The following CIT variants were observed in gnomAD, a reference collection of about 807,000 sequenced individuals.
The protein encoded by CIT is citron rho-interacting serine/threonine kinase, also known as citron Rho-interacting kinase.
Under a neutral mutation model 272.7 loss-of-function variants are expected in CIT, and 79 were observed. The observed-to-expected ratio is 0.29, with a 90% confidence interval of 0.24 to 0.35. CIT has a LOEUF of 0.35. Ranked by LOEUF, CIT falls within the 10% of genes least tolerant of loss-of-function variation. The probability of loss-of-function intolerance (pLI) is 1.00; values close to 1 mark genes in which losing one functional copy is unlikely to be tolerated. For synonymous variants in CIT, 948 were observed against 995.6 expected (o/e 0.95, Z 0.90); for missense variants, 1,909 against 2,618.3 (o/e 0.73, Z 5.91).
intron 5 of CIT, among the ~76,000 whole-genome samples, chr12:119,835,630 C>T (rs1968939805): frequency 6.6e-6 from 1 of 152,176 alleles, no homozygotes; most frequent in Non-Finnish European, 1.5e-5. Flanking sequence ...ATCTCACAAA[C>T]TACTGCATTC....
At chr12:119,859,276 G>C (rs538435096) in intron 3 of CIT, among the ~76,000 whole-genome samples, 5 of 152,300 alleles carry the variant, frequency 3.3e-5, no homozygotes, top group Admixed American at 6.5e-5. Context: ...AAGACCAAGA[G>C]ACTGTCTTAA....
At chr12:119,721,487 C>T (rs748877999) in intron 28 of CIT, 38 bp from the exon 29 acceptor site, 1 of 1,556,946 alleles carries the variant, frequency 6.4e-7, no homozygotes, top group Admixed American at 1.7e-5. Context: ...CTTGATACTG[C>T]ACACAATACA....
chr12:119,857,763 A>AT, intron 3 of CIT, 65 bp from the exon 4 acceptor site: 2 of 1,427,312 alleles, frequency 1.4e-6, no homozygotes, highest in African/African-American at 1.4e-5. Flanking sequence ...TCTTTATGAA[A>AT]GAAAAAAAAA....
In CIT at chr12:119,700,677, G is replaced by A. The variant is rs572280850; in HGVS notation, c.5623+68C>T. The A allele has an allele frequency of 2.1e-4, 274 of 1,325,318 alleles. 1 individual carries two copies. Among genetic ancestry groups the A allele is most frequent in the African/African-American group, 1.7e-3 (116 of 69,096 alleles). 82.1% of individuals were successfully genotyped at this position (1,325,318 alleles called of 1,614,324 possible). On this transcript the variant is annotated intron_variant, in intron 44 of 47. Coordinates refer to ENST00000392521, the MANE Select transcript of CIT (RefSeq NM_001206999.2). ...ATTACAGGCGTGAGCCACCGCACCC[G>A]GATGCAATTCTTTTCCAGGACACCA...
intron 2 of CIT, among the ~76,000 whole-genome samples, chr12:119,874,358 C>T (rs1225612641): frequency 1.3e-5 from 2 of 152,168 alleles, no homozygotes; most frequent in Non-Finnish European, 2.9e-5. Context: ...AGGCTACAAC[C>T]TATTTTAAAG....
At chr12:119,806,004 G>A (rs184397972) in intron 9 of CIT, among the ~76,000 whole-genome samples, 15 of 152,168 alleles carry the variant, frequency 9.9e-5, no homozygotes, top group Middle Eastern at 6.8e-3. Flanking sequence ...AGATGTGATG[G>A]TGCATGCCTG....
chr12:119,867,375 G>T (rs892023259), intron 3 of CIT, among the ~76,000 whole-genome samples: 8 of 152,020 alleles, frequency 5.3e-5, no homozygotes, highest in Non-Finnish European at 1.2e-4. Context: ...TTTTAGTAGA[G>T]ACAAGGTTTC....
chr12:119,777,662 T>TC (rs1555244129), intron 13 of CIT, among the ~76,000 whole-genome samples: 3 of 145,116 alleles, frequency 2.1e-5, no homozygotes, highest in Non-Finnish European at 4.5e-5. Context: ...AGAGCAAGAC[T>TC]CCGTCTCAAA....
intron 40 of CIT, among the ~76,000 whole-genome samples, chr12:119,706,089 CAAAAAAAAA>C (rs776220898): frequency 1.0e-5 from 1 of 98,632 alleles, no homozygotes; most frequent in East Asian, 3.4e-4. Flanking sequence ...GACTCTGTGT[CAAAAAAAAA>C]AAAAAAAAAT....
chr12:119,718,082 C>T lies in CIT; in HGVS notation c.4168+163G>A, dbSNP rs933704660. On this transcript the variant is annotated intron_variant, in intron 32 of 47. Coordinates refer to ENST00000392521, the MANE Select transcript of CIT (RefSeq NM_001206999.2). The surrounding 1 kb of genome is among the most constrained non-coding windows in gnomAD (Gnocchi z 4.8). ...CTTGAGCTCCCAACTTCAGGTGATCCGCCCACCTCGGCCTCCCAAAGTGCT... is the reference window on the plus strand; with the variant it reads ...CTTGAGCTCCCAACTTCAGGTGATCTGCCCACCTCGGCCTCCCAAAGTGCT... 5.3e-5 allele frequency among the ~76,000 whole-genome samples: 8 copies of T among 152,012 alleles called. No individual in the cohort carries two copies. Among genetic ancestry groups the T allele is most frequent in the Admixed American group, 2.6e-4 (4 of 15,258 alleles).
intron 29 of CIT, among the ~76,000 whole-genome samples, 174 bp from the exon 30 acceptor site, chr12:119,720,759 GAT>G (rs1957781521): frequency 6.6e-6 from 1 of 152,150 alleles, no homozygotes; most frequent in African/African-American, 2.4e-5. Context: ...AGAGAAAAAA[GAT>G]ATATTTATAG....
intron 4 of CIT, among the ~76,000 whole-genome samples, chr12:119,857,169 G>T (rs781022979): frequency 6.6e-6 from 1 of 152,166 alleles, no homozygotes; most frequent in Non-Finnish European, 1.5e-5. Flanking sequence ...TACCTAAAGC[G>T]TGTACAAAAG....
Position 119,869,181 on chromosome 12 carries a change from AG to A in CIT, c.116del (p.Thr39IlefsTer14). On this transcript the variant is annotated frameshift_variant, in exon 3 of 48. Transcript: ENST00000392521. LOFTEE classifies it high-confidence loss of function. Reference sequence around the variant, plus strand: ...GGGAAAGAGGAGACATCTGCTGTTGAGTCATAAAGGGTGGTTTCCCCTAAAA... The same window carrying A: ...GGGAAAGAGGAGACATCTGCTGTTGATCATAAAGGGTGGTTTCCCCTAAAA... ...LFFQGKPPFMTQQQMSPLSRE... is the reference protein window; with the variant it reads ...LFFQGKPPFMXQQQMSPLSRE... 1 of 1,605,516 alleles carries A rather than the reference AG, an allele frequency of 6.2e-7. No homozygotes were observed. The highest frequency in any genetic ancestry group is 8.5e-7 in the Non-Finnish European group (1 of 1,178,200).
chr12:119,805,900 C>T (rs911689388), intron 9 of CIT, among the ~76,000 whole-genome samples: 1 of 151,944 alleles, frequency 6.6e-6, no homozygotes, highest in Non-Finnish European at 1.5e-5. Context: ...CTTGGGAGGG[C>T]GAGGCAGGTG....
chr12:119,758,101 G>A (rs1399075850), intron 21 of CIT, among the ~76,000 whole-genome samples: 1 of 152,206 alleles, frequency 6.6e-6, no homozygotes, highest in African/African-American at 2.4e-5. Context: ...GATCTCTGAA[G>A]AGAGAAACCT....
intron 41 of CIT, among the ~76,000 whole-genome samples, chr12:119,703,512 A>C (rs143870562): frequency 1.5e-5 from 2 of 133,198 alleles, no homozygotes; most frequent in South Asian, 2.3e-4. Context: ...TGCAACTTCC[A>C]CCTCCCACGT....
At chr12:119,729,840 T>C (rs111605553) in intron 27 of CIT, among the ~76,000 whole-genome samples, 7,549 of 152,308 alleles carry the variant, frequency 0.05, 258 homozygotes, top group African/African-American at 0.098. Flanking sequence ...AAAAAGAGTG[T>C]CTATGTATGC....
In CIT at chr12:119,760,997, A is replaced by T. The variant is rs763511936; in HGVS notation, c.2363T>A (p.Met788Lys). ...LADKETLENM[M>K]QRHEEEAHEK... ...ATGGGCCTCCTCCTCGTGTCTCTGCATCATGTTCTCCAGTGTCTCCTTGTC... is the reference window on the plus strand; with the variant it reads ...ATGGGCCTCCTCCTCGTGTCTCTGCTTCATGTTCTCCAGTGTCTCCTTGTC... Residue 788 changes from methionine to lysine, a missense_variant, in exon 20 of 48, where the codon ATG (methionine) becomes AAG (lysine). Physicochemically the swap from Met to Lys is moderately conservative, Grantham distance 95. Around this residue, in one of 8 missense-constraint regions of CIT, gnomAD observed 530 missense variants for 822.4 expected, o/e 0.64. Transcript: ENST00000392521. 1 of 1,614,198 alleles carries T rather than the reference A, an allele frequency of 6.2e-7. No homozygotes were observed. The highest frequency in any genetic ancestry group is 1.1e-5 in the South Asian group (1 of 91,082).
intron 3 of CIT, among the ~76,000 whole-genome samples, chr12:119,863,404 T>C (rs1019673572): frequency 2.0e-5 from 3 of 152,066 alleles, no homozygotes; most frequent in Non-Finnish European, 4.4e-5. Flanking sequence ...AAAAAATAAC[T>C]ATTGGTTACT....
Sources: allele counts gnomAD v4.1 joint callset (sites outside exome capture counted in the v4.1 genomes callset), GRCh38; gene constraint gnomAD v4.1.1; regional missense constraint gnomAD v4.1.1; non-coding constraint Gnocchi (gnomAD v3.1); transcripts MANE v1.5; gene names NCBI Gene and HGNC (gene_info 2026-07-23, HGNC 2026-07-21).